KCNIP4: variants seen among roughly 807,000 people sequenced by gnomAD.
The protein encoded by KCNIP4 is Kv channel-interacting protein 4.
Under a neutral mutation model 34.0 loss-of-function variants are expected in KCNIP4, and 12 were observed. That is an observed-to-expected ratio of 0.35 (90% CI 0.23 to 0.57). The LOEUF (loss-of-function observed/expected upper bound fraction) is 0.57. Ranked by LOEUF, KCNIP4 falls within the 20% of genes least tolerant of loss-of-function variation. The pLI, the probability that KCNIP4 is intolerant of heterozygous loss-of-function variation, is 0.83. For missense variants in KCNIP4, 238 were observed against 311.7 expected (o/e 0.76, Z 1.78); for synonymous variants, 124 against 102.2 (o/e 1.21, Z -1.29).
intron 1 of KCNIP4, among the ~76,000 whole-genome samples, chr4:21,542,521 C>T (rs975928691): frequency 2.6e-5 from 4 of 151,566 alleles, no homozygotes; most frequent in East Asian, 1.9e-4. Flanking sequence ...TTGATTAGGA[C>T]GTTATGAAAT....
chr4:21,688,231 G>A (rs1279983144), intron 1 of KCNIP4, among the ~76,000 whole-genome samples: 1 of 152,140 alleles, frequency 6.6e-6, no homozygotes, highest in South Asian at 2.1e-4. Context: ...AATCCAAACT[G>A]CTCCAAAATC....
chr4:21,435,995 C>A (rs1726912688), intron 1 of KCNIP4, among the ~76,000 whole-genome samples: 1 of 152,136 alleles, frequency 6.6e-6, no homozygotes, highest in Non-Finnish European at 1.5e-5. Context: ...ACAGCGAGCT[C>A]CCAGATCGTC....
chr4:21,826,888 AC>A (rs1356193755), intron 1 of KCNIP4, among the ~76,000 whole-genome samples: 3 of 152,060 alleles, frequency 2.0e-5, no homozygotes, highest in Non-Finnish European at 2.9e-5. Context: ...AATACTGAAA[AC>A]CTAAAAAGAA....
chr4:20,882,704 G>A lies in KCNIP4; in HGVS notation c.67C>T (p.Leu23=), dbSNP rs1302610810. 5 of 1,612,774 alleles carry A rather than the reference G, an allele frequency of 3.1e-6. No homozygotes were observed. Among genetic ancestry groups the A allele is most frequent in the Non-Finnish European group, 4.2e-6 (5 of 1,179,228 alleles). ...CGCTTGGTGCTGTTCTGAGCGTACA[G>A]GAAACCTAGAAGATACAGGATCAGT... ...LEEASSTGGF[L]YAQNSTKRSI... is the part of the protein sequence containing the mutation. Residue 23 remains leucine (L), a synonymous_variant, in exon 2 of 9, where the codon CTG becomes TTG. Transcript: ENST00000382152.
At chr4:21,691,129 G>A (rs189552833) in intron 1 of KCNIP4, among the ~76,000 whole-genome samples, 2 of 152,308 alleles carry the variant, frequency 1.3e-5, no homozygotes, top group Non-Finnish European at 2.9e-5. Context: ...CCAGTGGTGA[G>A]TGAATATAAA....
At chr4:20,872,997 C>T (rs1252133294) in intron 2 of KCNIP4, among the ~76,000 whole-genome samples, 1 of 152,198 alleles carries the variant, frequency 6.6e-6, no homozygotes, top group African/African-American at 2.4e-5. Flanking sequence ...ATAAATTTCA[C>T]CATTATCATT....
intron 1 of KCNIP4, among the ~76,000 whole-genome samples, chr4:21,375,257 G>A (rs897686869): frequency 1.5e-5 from 2 of 130,922 alleles, no homozygotes; most frequent in African/African-American, 4.4e-5. Flanking sequence ...GGTGTGACAT[G>A]TGTGTTCAAT....
chr4:21,908,313 T>C (rs1283582496), intron 1 of KCNIP4, among the ~76,000 whole-genome samples: 1 of 151,668 alleles, frequency 6.6e-6, no homozygotes, highest in African/African-American at 2.4e-5. Context: ...AGAGGCAACA[T>C]TCTTGCCACT....
intron 1 of KCNIP4, among the ~76,000 whole-genome samples, chr4:21,899,551 C>CA (rs35058348): frequency 4.7e-5 from 7 of 150,362 alleles, no homozygotes; most frequent in Admixed American, 6.6e-5. Flanking sequence ...AGGACTCCAT[C>CA]AAAAAAAAAT....
Position 21,683,446 on chromosome 4 carries a change from A to ATTTTTT in KCNIP4, c.61+265119_61+265124dup, listed in dbSNP as rs71191533. ...TACGACTAATGATTGGTGAAGCCAG[A>ATTTTTT]TTTTTTTTTTTTTTTTTTTTTTTTT... On this transcript the variant is annotated intron_variant, in intron 1 of 8. Coordinates refer to ENST00000382152, the MANE Select transcript of KCNIP4 (RefSeq NM_025221.6). Among the ~76,000 whole-genome samples the ATTTTTT allele has an allele frequency of 2.4e-3, 110 of 46,618 alleles. 26 individuals carry two copies. Among genetic ancestry groups the ATTTTTT allele is most frequent in the Middle Eastern group, 0.014 (1 of 70 alleles). The allele number at this position is 46,618 out of a possible 152,430, so 30.6% of individuals were successfully genotyped here.
intron 1 of KCNIP4, among the ~76,000 whole-genome samples, chr4:21,398,010 T>C (rs1027521047): frequency 2.0e-5 from 3 of 152,206 alleles, no homozygotes; most frequent in African/African-American, 4.8e-5. Flanking sequence ...CCTGCAGAGA[T>C]GACTTGGGGA....
chr4:20,779,578 C>A (rs543334479), intron 3 of KCNIP4, among the ~76,000 whole-genome samples: 4 of 35,548 alleles, frequency 1.1e-4, no homozygotes, highest in African/African-American at 4.0e-4. Context: ...GCCCCACAAC[C>A]CCCCCCCCCC....
intron 1 of KCNIP4, among the ~76,000 whole-genome samples, chr4:21,054,750 T>A (rs1743260794): frequency 6.9e-6 from 1 of 145,598 alleles, no homozygotes; most frequent in Admixed American, 6.8e-5. Context: ...GACCTTATAC[T>A]CTTCACAAAA....
intron 1 of KCNIP4, among the ~76,000 whole-genome samples, chr4:21,674,759 A>G (rs995020679): frequency 6.6e-6 from 1 of 152,158 alleles, no homozygotes. Context: ...CCATACCTCA[A>G]TCATCTGTGG....
rs934796817 is a variant in KCNIP4 at position 21,422,802 on chromosome 4, G to A, written c.61+525769C>T. Among the ~76,000 whole-genome samples, 10 of 152,056 alleles carry A rather than the reference G, an allele frequency of 6.6e-5. 1 individual carries two copies. Among genetic ancestry groups the A allele is most frequent in the African/African-American group, 9.7e-5 (4 of 41,386 alleles). On this transcript the variant is annotated intron_variant, in intron 1 of 8. Transcript: ENST00000382152. ...GTAACACAGTGCCACACGGACAGAA[G>A]TTTACAAACTGAGAAGCCTTACTTA...
intron 3 of KCNIP4, among the ~76,000 whole-genome samples, chr4:20,791,869 T>C (rs774904460): frequency 2.1e-4 from 32 of 152,296 alleles, no homozygotes; most frequent in African/African-American, 6.0e-4. Context: ...AAGAAACAGA[T>C]TGACCTCTCC....
intron 1 of KCNIP4, among the ~76,000 whole-genome samples, chr4:21,136,760 T>G (rs1433482): frequency 0.64 from 97,369 of 151,968 alleles, 31,735 homozygotes; most frequent in African/African-American, 0.75. Flanking sequence ...GACAAAGCAG[T>G]GTCAGTCAGA....
intron 1 of KCNIP4, among the ~76,000 whole-genome samples, chr4:21,512,796 T>C (rs550792854): frequency 6.6e-6 from 1 of 152,340 alleles, no homozygotes; most frequent in African/African-American, 2.4e-5. Context: ...ATATTTCTTT[T>C]GGACTGAATA....
At chr4:20,779,250 G>T (rs934172283) in intron 3 of KCNIP4, among the ~76,000 whole-genome samples, 1 of 152,056 alleles carries the variant, frequency 6.6e-6, no homozygotes, top group African/African-American at 2.4e-5. Flanking sequence ...CAGTTCTGTA[G>T]GTACATTTAC....
Sources: allele counts gnomAD v4.1 joint callset (sites outside exome capture counted in the v4.1 genomes callset), GRCh38; gene constraint gnomAD v4.1.1; transcripts MANE v1.5; gene names NCBI Gene and HGNC (gene_info 2026-07-23, HGNC 2026-07-21).